The following DMXL1 variants were observed in gnomAD, a reference collection of about 807,000 sequenced individuals.
DMXL1 encodes dmX-like protein 1.
A neutral mutation model predicts 319.2 loss-of-function variants in DMXL1; 99 were observed. That is an observed-to-expected ratio of 0.31 (90% confidence interval 0.26 to 0.37). The LOEUF is 0.37. DMXL1 is among the 10% of genes least tolerant of loss of function. DMXL1 has a pLI of 1.00. For missense variants in DMXL1, 3,745 were observed against 3,595.6 expected (o/e 1.04, Z -1.06); for synonymous variants, 1,385 against 1,235.2 (o/e 1.12, Z -2.54).
intron 19 of DMXL1, among the ~76,000 whole-genome samples, chr5:119,160,845 G>C (rs1014034016): frequency 6.6e-6 from 1 of 151,696 alleles, no homozygotes; most frequent in South Asian, 2.1e-4. Context: ...TTCTATTTCG[G>C]TTTCTATTTG....
intron 1 of DMXL1, among the ~76,000 whole-genome samples, chr5:119,090,911 T>A (rs1754653586): frequency 6.6e-6 from 1 of 151,986 alleles, no homozygotes; most frequent in Non-Finnish European, 1.5e-5. Context: ...TCACTGATTC[T>A]TTCTTCTGCT....
At chr5:119,203,839 G>A (rs572905537) in intron 33 of DMXL1, among the ~76,000 whole-genome samples, 1 of 151,688 alleles carries the variant, frequency 6.6e-6, no homozygotes, top group South Asian at 2.1e-4. Flanking sequence ...TTTTTCTTTG[G>A]AGATGGAGTC....
chr5:119,155,155 A>G (rs1177260240), intron 19 of DMXL1, among the ~76,000 whole-genome samples: 1 of 152,224 alleles, frequency 6.6e-6, no homozygotes, highest in African/African-American at 2.4e-5. Flanking sequence ...TATAGTTTTT[A>G]TGCCTGCTAA....
intron 19 of DMXL1, among the ~76,000 whole-genome samples, chr5:119,163,135 A>G (rs1219509104): frequency 1.3e-5 from 2 of 152,222 alleles, no homozygotes; most frequent in African/African-American, 4.8e-5. Flanking sequence ...ATATGGTGAT[A>G]TGGAGTAATA....
chr5:119,222,083 T>G (rs1784742692), intron 37 of DMXL1, among the ~76,000 whole-genome samples: 1 of 152,316 alleles, frequency 6.6e-6, no homozygotes, highest in African/African-American at 2.4e-5. Flanking sequence ...TATGAGCAAT[T>G]GTTCAAGTAA....
chr5:119,106,935 T>C (rs916938160), intron 4 of DMXL1, among the ~76,000 whole-genome samples: 1 of 152,148 alleles, frequency 6.6e-6, no homozygotes, highest in Non-Finnish European at 1.5e-5. Flanking sequence ...AAGAGTAATA[T>C]GTAGGAGTTA....
At chr5:119,204,015 G>T in intron 33 of DMXL1, among the ~76,000 whole-genome samples, 1 of 151,852 alleles carries the variant, frequency 6.6e-6, no homozygotes, top group Non-Finnish European at 1.5e-5. Flanking sequence ...GTAGAGACGG[G>T]GTTTCACTGT....
chr5:119,221,152 G>A, intron 37 of DMXL1, 71 bp downstream of exon 37: 2 of 1,139,358 alleles, frequency 1.8e-6, no homozygotes, highest in Non-Finnish European at 2.4e-6. Context: ...ATGGATAAAG[G>A]ATGATTTAAA....
intron 1 of DMXL1, among the ~76,000 whole-genome samples, chr5:119,073,058 A>T (rs986127119): frequency 6.6e-6 from 1 of 152,126 alleles, no homozygotes; most frequent in African/African-American, 2.4e-5. Context: ...AATTCTAAGA[A>T]CTTTTGCTTT....
At chr5:119,079,789 C>G (rs904486926) in intron 1 of DMXL1, among the ~76,000 whole-genome samples, 9 of 152,206 alleles carry the variant, frequency 5.9e-5, no homozygotes, top group Non-Finnish European at 1.3e-4. Flanking sequence ...TCATGTTGAT[C>G]ATTTTTTCCT....
rs373550062 is a variant in DMXL1, at chr5:119,169,636, A to G, written c.5399-554A>G. Among the ~76,000 whole-genome samples the G allele has an allele frequency of 2.4e-4, 36 of 152,348 alleles. No homozygotes were observed. The South Asian group carries it at 4.3e-3, about 18-fold the overall frequency. On this transcript the variant is annotated intron_variant, in intron 23 of 43. Transcript: ENST00000539542. ...GGCCCCAAAGCAAGAGTTTATACAC[A>G]TAAGTAAAAATGAAATGTAGGCCTT...
rs1790058967 is a variant in DMXL1 at position 119,247,944 on chromosome 5, CT to C, written c.*729del. 6.6e-6 allele frequency: 1 copy of C among 151,580 alleles called. No individual in the cohort carries two copies. The highest frequency in any genetic ancestry group is 1.5e-5 in the Non-Finnish European group (1 of 67,902). The allele number at this position is 151,580 out of a possible 1,614,324, so 9.4% of individuals were successfully genotyped here. On this transcript the variant is annotated 3_prime_UTR_variant, in exon 44 of 44. Coordinates refer to ENST00000539542, the MANE Select transcript of DMXL1 (RefSeq NM_001290321.3). ...GAATAACTTTTTTTTTGCAACTGTG[CT>C]TTTCATTTTTAAAAAATTTTTGAAT... is the stretch of plus-strand genomic sequence containing the variant.
At chr5:119,174,401 ACT>A (rs1176020744) in intron 25 of DMXL1, among the ~76,000 whole-genome samples, 3 of 152,220 alleles carry the variant, frequency 2.0e-5, no homozygotes, top group South Asian at 2.1e-4. Flanking sequence ...AGTACGTCCA[ACT>A]CTCTCTTGCA....
chr5:119,130,334 G>GTT (rs140167068), intron 10 of DMXL1, among the ~76,000 whole-genome samples: 1 of 147,074 alleles, frequency 6.8e-6, no homozygotes, highest in African/African-American at 2.5e-5. Flanking sequence ...TGCACTTTGT[G>GTT]TTTTTTTTTT....
At chr5:119,139,304 CT>C (rs1246069945) in intron 13 of DMXL1, among the ~76,000 whole-genome samples, 1 of 152,124 alleles carries the variant, frequency 6.6e-6, no homozygotes, top group East Asian at 1.9e-4. Flanking sequence ...TGTAAACAGG[CT>C]TAATGCCCCA....
intron 19 of DMXL1, among the ~76,000 whole-genome samples, chr5:119,156,396 C>A (rs1771067635): frequency 1.3e-5 from 2 of 152,162 alleles, no homozygotes; most frequent in African/African-American, 4.8e-5. Flanking sequence ...TTGTGTTACT[C>A]ATTTTATTGC....
chr5:119,103,102 A>G (rs1202365911), intron 3 of DMXL1, among the ~76,000 whole-genome samples: 2 of 151,814 alleles, frequency 1.3e-5, no homozygotes, highest in Non-Finnish European at 2.9e-5. Context: ...TTTTTAAAAA[A>G]AAAGAAAGAG....
At chr5:119,135,439 G>A (rs77661576) in intron 13 of DMXL1, among the ~76,000 whole-genome samples, 1 of 152,284 alleles carries the variant, frequency 6.6e-6, no homozygotes, top group East Asian at 1.9e-4. Flanking sequence ...GTGGGAACTA[G>A]ATACGTAGAT....
chr5:119,221,668 C>T (rs1389272274), intron 37 of DMXL1, among the ~76,000 whole-genome samples: 1 of 152,046 alleles, frequency 6.6e-6, no homozygotes, highest in African/African-American at 2.4e-5. Context: ...ACTTGCTATC[C>T]AGTCCTTTAT....
Sources: gnomAD v4.1 joint callset for allele counts (sites outside exome capture counted in the v4.1 genomes callset) on GRCh38, gnomAD v4.1.1 for gene constraint, MANE v1.5 for transcripts, NCBI Gene and HGNC (gene_info 2026-07-23, HGNC 2026-07-21) for gene names.